CLC: variants seen among roughly 807,000 people sequenced by gnomAD.
CLC encodes Charcot-Leyden crystal galectin, also known as galectin-10.
Under a neutral mutation model 13.9 loss-of-function variants are expected in CLC, and 15 were observed. The ratio of observed to expected loss-of-function variants is 1.08; its 90% CI spans 0.72 to 1.66. The LOEUF (loss-of-function observed/expected upper bound fraction) is 1.66, where lower values mean the gene tolerates loss of function less well. CLC is among the 40% of genes most tolerant of loss of function. The pLI, the probability that CLC is intolerant of heterozygous loss-of-function variation, is 0.00. For synonymous variants in CLC, 68 were observed against 59.9 expected (o/e 1.14, Z -0.63); for missense variants, 161 against 169.1 (o/e 0.95, Z 0.27).
At position 39,731,311 on chromosome 19, in the gene CLC, T is replaced by C; in HGVS notation, c.*69A>G. On this transcript the variant is annotated 3_prime_UTR_variant, in exon 4 of 4. Transcript: ENST00000221804. Reference sequence around the variant, plus strand: ...TAAGGATTGAAGTGAGAAAAGATCATGCTGTTAGCTGGCTTTGGAATCCCA... The same window carrying C: ...TAAGGATTGAAGTGAGAAAAGATCACGCTGTTAGCTGGCTTTGGAATCCCA... 6.7e-7 allele frequency: 1 copy of C among 1,491,444 alleles called. No individual in the cohort carries two copies. The highest frequency in any genetic ancestry group is 1.1e-5 in the South Asian group (1 of 87,750). 92.4% of individuals were successfully genotyped at this position (1,491,444 alleles called of 1,614,324 possible). A position where few individuals can be genotyped will look rare whatever the true frequency, so the allele number is the denominator to read the frequency against.
At position 39,733,401 on chromosome 19, in the gene CLC, A is replaced by G. The variant is rs575887526; in HGVS notation, c.303+882T>C. On this transcript the variant is annotated intron_variant, in intron 3 of 3. Transcript: ENST00000221804. The stretch of plus-strand genomic sequence containing the variant: ...TTTCATTCTCAAATTTAAAATCCAT[A>G]CAACTTTGAACCAGTTATTCCTTTT... Among the ~76,000 whole-genome samples the G allele has an allele frequency of 3.3e-5, 5 of 152,316 alleles. No individual in the cohort carries two copies. In the South Asian group the frequency reaches 6.2e-4, roughly 19 times the overall value.
At chr19:39,737,008 A>G (rs1180767664) in intron 1 of CLC, among the ~76,000 whole-genome samples, 3 of 152,082 alleles carry the variant, frequency 2.0e-5, no homozygotes, top group Admixed American at 2.0e-4. Context: ...CTCAGCAAAC[A>G]TCTTGATGAA....
chr19:39,734,130 G>A (rs1967270018), intron 3 of CLC, 153 bp downstream of exon 3: 9 of 946,134 alleles, frequency 9.5e-6, no homozygotes, highest in Admixed American at 6.2e-5. Flanking sequence ...GGGACAGGGG[G>A]AGTTATGGGT....
At chr19:39,735,227 A>G (rs999392388) in intron 1 of CLC, among the ~76,000 whole-genome samples, 154 bp from the exon 2 acceptor site, 1 of 152,136 alleles carries the variant, frequency 6.6e-6, no homozygotes, top group African/African-American at 2.4e-5. Context: ...GTATTTTTCA[A>G]AACAATGGGG....
At chr19:39,736,802 G>A (rs1967320249) in intron 1 of CLC, among the ~76,000 whole-genome samples, 1 of 151,394 alleles carries the variant, frequency 6.6e-6, no homozygotes, top group Non-Finnish European at 1.5e-5. Flanking sequence ...ATTACTGCAG[G>A]TTTGAAGGCC....
chr19:39,735,294 G>A (rs1024111825), intron 1 of CLC, among the ~76,000 whole-genome samples: 1 of 152,232 alleles, frequency 6.6e-6, no homozygotes, highest in Middle Eastern at 3.4e-3. Flanking sequence ...ATCCTTTATT[G>A]TGCTGACTAC....
At chr19:39,737,222 C>T (rs1410750454) in intron 1 of CLC, among the ~76,000 whole-genome samples, 2 of 151,518 alleles carry the variant, frequency 1.3e-5, no homozygotes, top group African/African-American at 4.9e-5. Context: ...TCAGCCCCAT[C>T]GTCTGTTTCT....
In CLC at chr19:39,734,488, T is replaced by C; in HGVS notation, c.98A>G (p.Glu33Gly). 1.9e-6 allele frequency: 3 copies of C among 1,613,778 alleles called. No individual in the cohort carries two copies. The highest frequency in any genetic ancestry group is 2.5e-6 in the Non-Finnish European group (3 of 1,179,684). ...KGRPLACFLN[E>G]PYLQVDFHTE... ...GTGGAAATCCACCTGCAGATATGGT[T>C]CATTCCTGAGGGCAGAGCACACAGT... The change falls in exon 3 of 4, where the codon GAA becomes GGA. Residue 33 changes from glutamate (E) to glycine (G), a missense_variant. Glu to Gly is a moderately conservative substitution (Grantham distance 98). Coordinates refer to ENST00000221804, the MANE Select transcript of CLC (RefSeq NM_001828.6).
At chr19:39,731,600 C>T in intron 3 of CLC, 95 bp from the exon 4 acceptor site, 2 of 1,303,514 alleles carry the variant, frequency 1.5e-6, no homozygotes, top group Non-Finnish European at 1.0e-6. Flanking sequence ...AAACATCCAA[C>T]CAGAAAATGC....
chr19:39,734,259 G>T (rs1290814772), intron 3 of CLC, 24 bp downstream of exon 3: 1 of 1,607,032 alleles, frequency 6.2e-7, no homozygotes, highest in South Asian at 1.1e-5. Context: ...GAAGCCGGGT[G>T]CGGGGAGCTC....
chr19:39,732,819 A>T (rs1967246057), intron 3 of CLC, among the ~76,000 whole-genome samples: 1 of 151,260 alleles, frequency 6.6e-6, no homozygotes, highest in Non-Finnish European at 1.5e-5. Context: ...AACCATAAAA[A>T]CCCTAGAAGA....
rs868675119 is a variant in CLC, at chr19:39,731,309, C to T, written c.*71G>A. 2 of 1,489,340 alleles carry T rather than the reference C, an allele frequency of 1.3e-6. No homozygotes were observed. Among genetic ancestry groups the T allele is most frequent in the Admixed American group, 1.7e-5 (1 of 59,544 alleles). The allele number at this position is 1,489,340 out of a possible 1,614,324, so 92.3% of individuals were successfully genotyped here. A position where few individuals can be genotyped will look rare whatever the true frequency, so the allele number is the denominator to read the frequency against. ...AGTAAGGATTGAAGTGAGAAAAGAT[C>T]ATGCTGTTAGCTGGCTTTGGAATCC... On this transcript the variant is annotated 3_prime_UTR_variant, in exon 4 of 4. Transcript: ENST00000221804.
rs1967230815 is a variant in CLC at position 39,731,859 on chromosome 19, G to A, written c.304-354C>T. On this transcript the variant is annotated intron_variant, in intron 3 of 3. Coordinates refer to ENST00000221804, the MANE Select transcript of CLC (RefSeq NM_001828.6). ...GCACAGGGCCAGCCACAGGGTAAGTGCTCAACAATGTCCACTGAATGCACA... is the reference window on the plus strand; with the variant it reads ...GCACAGGGCCAGCCACAGGGTAAGTACTCAACAATGTCCACTGAATGCACA... 2.0e-5 allele frequency among the ~76,000 whole-genome samples: 3 copies of A among 152,088 alleles called. No homozygotes were observed. The South Asian group carries it at 6.2e-4, about 31-fold the overall frequency.
intron 1 of CLC, among the ~76,000 whole-genome samples, chr19:39,736,001 T>C (rs1967302892): frequency 6.6e-6 from 1 of 152,212 alleles, no homozygotes; most frequent in African/African-American, 2.4e-5. Flanking sequence ...TTTACTTGGC[T>C]AAAATCTGGT....
At chr19:39,733,856 T>A in intron 3 of CLC, 1 of 834,756 alleles carries the variant, frequency 1.2e-6, no homozygotes, top group Non-Finnish European at 1.4e-6. Context: ...CATATTGGAC[T>A]GACTAAAACA....
Position 39,735,056 on chromosome 19 carries a change from A to AGC in CLC, c.31_32dup (p.Ala12LeufsTer10). On this transcript the variant is annotated frameshift_variant, in exon 2 of 4. Coordinates refer to ENST00000221804, the MANE Select transcript of CLC (RefSeq NM_001828.6). LOFTEE classifies it high-confidence loss of function. Reference sequence around the variant, plus strand: ...CAGTAGAACCAGTAGACAAAGAGGCAGCCTCTGTGTATGGCACCTGCCAGG... The same window carrying AGC: ...CAGTAGAACCAGTAGACAAAGAGGCAGCGCCTCTGTGTATGGCACCTGCCAGG... 4 of 1,613,842 alleles carry AGC rather than the reference A, an allele frequency of 2.5e-6. No homozygotes were observed. The South Asian group carries it at 4.4e-5, about 18-fold the overall frequency.
Position 39,731,497 on chromosome 19 carries a change from G to A in CLC, c.312C>T (p.Val104=), listed in dbSNP as rs930883601. 3 of 1,605,252 alleles carry A rather than the reference G, an allele frequency of 1.9e-6. No homozygotes were observed. Among genetic ancestry groups the A allele is most frequent in the Non-Finnish European group, 2.6e-6 (3 of 1,174,306 alleles). The change falls in exon 4 of 4, where the codon GTC becomes GTT. Residue 104 remains valine, a synonymous_variant. Coordinates refer to ENST00000221804, the MANE Select transcript of CLC (RefSeq NM_001828.6). ...CAAAGGTGTAAGAGGATTGGCCATT[G>A]ACCATTACCTACAGAAGGAAAAAAA... ...SVLPDKYQVM[V]NGQSSYTFDH...
chr19:39,734,329 C>T lies in CLC; in HGVS notation c.257G>A (p.Gly86Asp), dbSNP rs756972983. The change falls in exon 3 of 4, where the codon GGC becomes GAC. Residue 86 changes from glycine (G) to aspartate (D), a missense_variant. Gly to Asp is a moderately conservative substitution (Grantham distance 94). Transcript: ENST00000221804. ...TGAGATGCTCAGTTCAAATTCTTGG[C>T]CATCCTGAAAGGGCATATTCTTGGA... ...VESKNMPFQDGQEFELSISVL... is the reference protein window; with the variant it reads ...VESKNMPFQDDQEFELSISVL... 3.1e-6 allele frequency: 5 copies of T among 1,613,906 alleles called. No individual in the cohort carries two copies. The highest frequency in any genetic ancestry group is 4.2e-6 in the Non-Finnish European group (5 of 1,179,978).
In CLC at chr19:39,737,974, T is replaced by G; in HGVS notation, c.-22A>C. ...ACATTGTTGTCTCCTTCTGGGTGGC[T>G]CTTCTGAATTGTGTCCAGACTTCTG... On this transcript the variant is annotated 5_prime_UTR_variant, in exon 1 of 4. Coordinates refer to ENST00000221804, the MANE Select transcript of CLC (RefSeq NM_001828.6). 1 of 1,612,074 alleles carries G rather than the reference T, an allele frequency of 6.2e-7. No individual in the cohort carries two copies. The highest frequency in any genetic ancestry group is 1.1e-5 in the South Asian group (1 of 90,888).
Sources: allele counts gnomAD v4.1 joint callset (sites outside exome capture counted in the v4.1 genomes callset), GRCh38; gene constraint gnomAD v4.1.1; transcripts MANE v1.5; gene names NCBI Gene and HGNC (gene_info 2026-07-23, HGNC 2026-07-21).